Variants in MEGF11 observed in about 807,000 individuals in gnomAD.
MEGF11 encodes the protein multiple EGF like domains 11.
A neutral mutation model predicts 146.6 loss-of-function variants in MEGF11; 126 were observed. The ratio of observed to expected loss-of-function variants is 0.86; its 90% CI spans 0.74 to 1.00. MEGF11 has a LOEUF of 1.00. Among genes scored for constraint, MEGF11 ranks in the 50% least tolerant of loss-of-function variants. MEGF11 has a pLI of 0.00. For missense variants in MEGF11, 1,509 were observed against 1,521.2 expected, an observed-to-expected ratio of 0.99 and a Z score of 0.13; for synonymous variants, 532 against 583.4, an observed-to-expected ratio of 0.91 and a Z score of 1.27.
rs140274890 is a variant in MEGF11, at chr15:65,903,328, G to A, written c.3055+2757C>T. On this transcript the variant is annotated intron_variant, in intron 24 of 25. Coordinates refer to ENST00000395614, the MANE Select transcript of MEGF11 (RefSeq NM_001385028.1). Reference sequence around the variant, plus strand: ...TGGCTGACAAGGAATTGAACACGAGGCAGTTTGTTGCAGAATCACTGTGCT... The same window carrying A: ...TGGCTGACAAGGAATTGAACACGAGACAGTTTGTTGCAGAATCACTGTGCT... 3.3e-3 allele frequency among the ~76,000 whole-genome samples: 497 copies of A among 152,306 alleles called. 12 individuals carry two copies. The highest frequency in any genetic ancestry group is 0.028 in the Admixed American group (421 of 15,306).
intron 4 of MEGF11, among the ~76,000 whole-genome samples, chr15:66,114,885 C>T (rs1416105666): frequency 1.3e-5 from 2 of 152,180 alleles, no homozygotes; most frequent in African/African-American, 2.4e-5. Context: ...AAAACAGTGC[C>T]CCCCTGCATC....
intron 7 of MEGF11, among the ~76,000 whole-genome samples, chr15:65,976,855 T>C (rs962080271): frequency 1.3e-5 from 2 of 152,178 alleles, no homozygotes; most frequent in African/African-American, 4.8e-5. Context: ...ACAGTCGCAC[T>C]TTAAGAGGAT....
chr15:65,919,695 A>G (rs1408984797), intron 15 of MEGF11, among the ~76,000 whole-genome samples: 2 of 152,128 alleles, frequency 1.3e-5, no homozygotes, highest in East Asian at 3.9e-4. Flanking sequence ...CAGTGGTGCA[A>G]TCTCGGCTTA....
chr15:66,134,096 T>C (rs1390399181), intron 1 of MEGF11, among the ~76,000 whole-genome samples: 2 of 152,200 alleles, frequency 1.3e-5, no homozygotes, highest in Non-Finnish European at 2.9e-5. Context: ...GAGACTGTCC[T>C]GTCCCCTGCA....
chr15:66,192,535 TCATC>T (rs2090910904), intron 1 of MEGF11, among the ~76,000 whole-genome samples: 1 of 146,476 alleles, frequency 6.8e-6, no homozygotes. Flanking sequence ...TAAAATAAAA[TCATC>T]ATAATGAGCC....
chr15:65,994,585 A>G (rs920361337), intron 5 of MEGF11, among the ~76,000 whole-genome samples: 4 of 152,200 alleles, frequency 2.6e-5, no homozygotes, highest in Admixed American at 2.6e-4. Flanking sequence ...CACAGGCACC[A>G]GGGAGAGGTG....
chr15:66,122,432 G>A (rs1348086601), intron 3 of MEGF11, among the ~76,000 whole-genome samples: 1 of 152,194 alleles, frequency 6.6e-6, no homozygotes, highest in Non-Finnish European at 1.5e-5. Flanking sequence ...CAGGACTTCG[G>A]CTTCTCAGCA....
At chr15:65,946,842 A>G (rs182122176) in intron 10 of MEGF11, among the ~76,000 whole-genome samples, 233 of 152,164 alleles carry the variant, frequency 1.5e-3, no homozygotes, top group African/African-American at 5.3e-3. Flanking sequence ...CTTGGCATGC[A>G]GGGCCCACCT....
chr15:65,948,258 C>T (rs1181151937), intron 10 of MEGF11, among the ~76,000 whole-genome samples: 5 of 151,986 alleles, frequency 3.3e-5, no homozygotes, highest in Middle Eastern at 3.4e-3. Context: ...TCCATCCCAG[C>T]TCTGTTACAA....
At chr15:65,911,690 C>T (rs574939056) in intron 21 of MEGF11, among the ~76,000 whole-genome samples, 5 of 152,318 alleles carry the variant, frequency 3.3e-5, no homozygotes, top group South Asian at 4.1e-4. Flanking sequence ...GGATTACAGG[C>T]GTGAGCCACT....
intron 4 of MEGF11, among the ~76,000 whole-genome samples, chr15:66,100,508 C>T (rs909271784): frequency 1.3e-5 from 2 of 152,198 alleles, no homozygotes; most frequent in African/African-American, 2.4e-5. Flanking sequence ...GGTTGCAAGC[C>T]GTGGGTTACT....
intron 1 of MEGF11, among the ~76,000 whole-genome samples, chr15:66,252,946 C>G (rs1372163627): frequency 6.6e-6 from 1 of 152,168 alleles, no homozygotes; most frequent in East Asian, 1.9e-4. Flanking sequence ...GTCCTGGGAG[C>G]CAACCAACAA....
chr15:65,965,939 C>T (rs546852050), intron 8 of MEGF11, among the ~76,000 whole-genome samples: 4 of 152,214 alleles, frequency 2.6e-5, no homozygotes, highest in South Asian at 2.1e-4. Context: ...AGAATGTTTC[C>T]GTCTTCCCAA....
intron 1 of MEGF11, among the ~76,000 whole-genome samples, chr15:66,182,687 T>C (rs1441141126): frequency 6.6e-6 from 1 of 152,188 alleles, no homozygotes; most frequent in Non-Finnish European, 1.5e-5. Context: ...AGCTACAAAC[T>C]TAACTCAAAG....
chr15:65,941,306 C>CT (rs2079982903), intron 10 of MEGF11, among the ~76,000 whole-genome samples: 2 of 152,026 alleles, frequency 1.3e-5, no homozygotes, highest in African/African-American at 4.8e-5. Context: ...ATCCCAGCTA[C>CT]TTGGGAGGCT....
At chr15:66,085,033 G>T (rs1053038511) in intron 5 of MEGF11, among the ~76,000 whole-genome samples, 4 of 152,126 alleles carry the variant, frequency 2.6e-5, no homozygotes, top group Admixed American at 1.3e-4. Flanking sequence ...TGGGAGCTGG[G>T]TGAGGCCTCT....
intron 10 of MEGF11, among the ~76,000 whole-genome samples, chr15:65,940,131 A>T (rs2079933752): frequency 1.3e-5 from 2 of 152,156 alleles, no homozygotes; most frequent in South Asian, 4.1e-4. Flanking sequence ...AAAGGGGCAC[A>T]GGCTAGTCCC....
intron 7 of MEGF11, among the ~76,000 whole-genome samples, chr15:65,977,397 G>A (rs942229393): frequency 6.6e-6 from 1 of 152,034 alleles, no homozygotes; most frequent in African/African-American, 2.4e-5. Context: ...CCACAGGCCG[G>A]GAAGTGGGGC....
Position 65,897,908 on chromosome 15 carries a change from C to T in MEGF11, c.*26G>A, listed in dbSNP as rs1402398649. The T allele has an allele frequency of 6.2e-7, 1 of 1,606,508 alleles. No individual in the cohort carries two copies. Among genetic ancestry groups the T allele is most frequent in the Non-Finnish European group, 8.5e-7 (1 of 1,175,788 alleles). ...CAGAGTCAGAATATTCAGTAGAGCA[C>T]ACTGCAAGAGAGAAGCTTATCCCTC... On this transcript the variant is annotated 3_prime_UTR_variant, in exon 26 of 26. Transcript: ENST00000395614.
Sources: allele counts gnomAD v4.1 joint callset (sites outside exome capture counted in the v4.1 genomes callset), GRCh38; gene constraint gnomAD v4.1.1; transcripts MANE v1.5; gene names NCBI Gene and HGNC (gene_info 2026-07-23, HGNC 2026-07-21).